ATRNL1: variants seen among roughly 807,000 people sequenced by gnomAD.
ATRNL1 encodes the protein attractin like 1.
ATRNL1 carries 95 observed loss-of-function variants against 182.7 expected under a neutral mutation model. The ratio of observed to expected loss-of-function variants is 0.52; its 90% confidence interval spans 0.44 to 0.62. The LOEUF (loss-of-function observed/expected upper bound fraction) is 0.62, where lower values mean the gene tolerates loss of function less well. Ranked by LOEUF, ATRNL1 falls within the 20% of genes least tolerant of loss-of-function variation. The probability of loss-of-function intolerance (pLI) is 0.00; values close to 1 mark genes in which losing one functional copy is unlikely to be tolerated. For synonymous variants in ATRNL1, 576 were observed against 568.3 expected (o/e 1.01, Z -0.19); for missense variants, 1,471 against 1,679.5 (o/e 0.88, Z 2.17).
chr10:115,763,992 A>G (rs953471040), intron 27 of ATRNL1, among the ~76,000 whole-genome samples: 3 of 152,128 alleles, frequency 2.0e-5, no homozygotes, highest in Non-Finnish European at 4.4e-5. Flanking sequence ...GCCTTCCTAG[A>G]GGCAATCACT....
At chr10:115,500,793 G>A (rs987710010) in intron 24 of ATRNL1, among the ~76,000 whole-genome samples, 3 of 151,448 alleles carry the variant, frequency 2.0e-5, no homozygotes, top group Admixed American at 6.6e-5. Flanking sequence ...CGCCTGCCTC[G>A]GCGTCCCAGA....
intron 27 of ATRNL1, among the ~76,000 whole-genome samples, chr10:115,784,937 C>T (rs2134197500): frequency 6.6e-6 from 1 of 152,244 alleles, no homozygotes; most frequent in Middle Eastern, 3.4e-3. Flanking sequence ...TCTCTGGTTC[C>T]CCCAAATTAA....
At chr10:115,662,193 C>G (rs978741124) in intron 26 of ATRNL1, among the ~76,000 whole-genome samples, 1 of 151,798 alleles carries the variant, frequency 6.6e-6, no homozygotes, top group Non-Finnish European at 1.5e-5. Context: ...GGACATTTGG[C>G]TTGGTTCCAA....
At chr10:115,116,654 T>C (rs76616057) in intron 1 of ATRNL1, among the ~76,000 whole-genome samples, 2,785 of 152,194 alleles carry the variant, frequency 0.018, 101 homozygotes, top group African/African-American at 0.064. Flanking sequence ...TTCTTTATTA[T>C]AGAAGTAGCA....
At chr10:115,392,045 A>G (rs905806305) in intron 19 of ATRNL1, among the ~76,000 whole-genome samples, 1 of 152,156 alleles carries the variant, frequency 6.6e-6, no homozygotes, top group African/African-American at 2.4e-5. Context: ...GCAGTAAGAA[A>G]GGTTAAGGGA....
At chr10:115,239,352 C>A (rs1195033136) in intron 9 of ATRNL1, among the ~76,000 whole-genome samples, 2 of 151,974 alleles carry the variant, frequency 1.3e-5, no homozygotes, top group East Asian at 3.9e-4. Context: ...CCTGCCTTAG[C>A]CTCCCGAGTA....
intron 28 of ATRNL1, among the ~76,000 whole-genome samples, chr10:115,906,213 A>G (rs1184818336): frequency 6.6e-6 from 1 of 152,204 alleles, no homozygotes; most frequent in African/African-American, 2.4e-5. Flanking sequence ...TAATAAAATA[A>G]TACATTTAAC....
intron 26 of ATRNL1, among the ~76,000 whole-genome samples, chr10:115,582,669 T>C (rs201181930): frequency 2.8e-5 from 4 of 141,616 alleles, no homozygotes; most frequent in East Asian, 2.2e-4. Context: ...GAGTAGGTTG[T>C]GAAAATTTTC....
chr10:115,350,387 T>G (rs1255533810), intron 19 of ATRNL1, among the ~76,000 whole-genome samples: 1 of 149,482 alleles, frequency 6.7e-6, no homozygotes, highest in Non-Finnish European at 1.5e-5. Context: ...TGTTTTCTTC[T>G]AGTGGTTTCA....
At chr10:115,251,032 T>C (rs1554905264) in intron 10 of ATRNL1, among the ~76,000 whole-genome samples, 1 of 152,230 alleles carries the variant, frequency 6.6e-6, no homozygotes, top group African/African-American at 2.4e-5. Flanking sequence ...TCTTTTTTGA[T>C]AGTTAGCAAA....
intron 28 of ATRNL1, among the ~76,000 whole-genome samples, chr10:115,903,016 T>A (rs1389729354): frequency 6.6e-6 from 1 of 152,210 alleles, no homozygotes. Context: ...GACTTTTCAG[T>A]GTAGCCTCTG....
chr10:115,337,804 C>G (rs970682376), intron 19 of ATRNL1, among the ~76,000 whole-genome samples: 2 of 152,070 alleles, frequency 1.3e-5, no homozygotes, highest in African/African-American at 4.8e-5. Flanking sequence ...ATACAGCAGT[C>G]CCCAACATTT....
chr10:115,522,143 C>A (rs142916121), intron 25 of ATRNL1, among the ~76,000 whole-genome samples: 2 of 152,068 alleles, frequency 1.3e-5, no homozygotes, highest in Non-Finnish European at 2.9e-5. Flanking sequence ...ATGTTTTATG[C>A]CATCTTAAGT....
At chr10:115,403,722 G>T (rs1164723263) in intron 20 of ATRNL1, among the ~76,000 whole-genome samples, 1 of 152,112 alleles carries the variant, frequency 6.6e-6, no homozygotes, top group African/African-American at 2.4e-5. Flanking sequence ...AAAGTCCTGG[G>T]ATTACAGGCA....
At chr10:115,304,389 TG>T (rs1853625157) in intron 17 of ATRNL1, among the ~76,000 whole-genome samples, 1 of 152,226 alleles carries the variant, frequency 6.6e-6, no homozygotes, top group Non-Finnish European at 1.5e-5. Flanking sequence ...AGTAATGATA[TG>T]GCTCCCATGA....
intron 17 of ATRNL1, among the ~76,000 whole-genome samples, chr10:115,310,290 A>C (rs914868660): frequency 6.6e-6 from 1 of 152,114 alleles, no homozygotes. Flanking sequence ...CATCAGGGAT[A>C]TTAGTCTGTA....
chr10:115,772,938 G>A (rs988478687), intron 27 of ATRNL1, among the ~76,000 whole-genome samples: 2 of 152,154 alleles, frequency 1.3e-5, no homozygotes, highest in Admixed American at 1.3e-4. Flanking sequence ...CTTGGAAATT[G>A]TGACTACTGA....
chr10:115,096,640 T>C lies in ATRNL1; in HGVS notation c.293+2597T>C, dbSNP rs868961953. 3.6e-5 allele frequency: 46 copies of C among 1,288,106 alleles called. No homozygotes were observed. The Middle Eastern group carries it at 3.4e-3, about 96-fold the overall frequency. 79.8% of individuals were successfully genotyped at this position (1,288,106 alleles called of 1,614,324 possible). On this transcript the variant is annotated intron_variant, in intron 1 of 28. Transcript: ENST00000355044. ...CATGGTAACTTAGCTTTTTTTCTAC[T>C]ATAGGGATTTCGCCAGGGAATAAAA...
At chr10:115,883,267 A>G (rs1240116351) in intron 28 of ATRNL1, among the ~76,000 whole-genome samples, 1 of 151,878 alleles carries the variant, frequency 6.6e-6, no homozygotes, top group Non-Finnish European at 1.5e-5. Flanking sequence ...TATCCTTCCC[A>G]CTCCATCTAA....
Sources: gnomAD v4.1 joint callset for allele counts (sites outside exome capture counted in the v4.1 genomes callset) on GRCh38, gnomAD v4.1.1 for gene constraint, MANE v1.5 for transcripts, NCBI Gene and HGNC (gene_info 2026-07-23, HGNC 2026-07-21) for gene names.